SEMA3A: variants seen among roughly 807,000 people sequenced by gnomAD.
SEMA3A encodes semaphorin-3A.
In SEMA3A, 29 loss-of-function variants were observed where a neutral mutation model predicts 97.9. The ratio of observed to expected loss-of-function variants is 0.30; its 90% confidence interval spans 0.22 to 0.40. SEMA3A has a LOEUF of 0.40. SEMA3A is among the 10% of genes least tolerant of loss of function. SEMA3A has a pLI of 1.00. For missense variants in SEMA3A, 763 were observed against 951.3 expected, an observed-to-expected ratio of 0.80 and a Z score of 2.60; for synonymous variants, 321 against 323.7, an observed-to-expected ratio of 0.99 and a Z score of 0.09.
At chr7:84,116,183 A>C (rs1795424877) in intron 3 of SEMA3A, among the ~76,000 whole-genome samples, 1 of 152,150 alleles carries the variant, frequency 6.6e-6, no homozygotes, top group Admixed American at 6.5e-5. Flanking sequence ...AAAGTACTGA[A>C]GTCTGTTTTA....
At chr7:84,052,987 G>A (rs933059982) in intron 5 of SEMA3A, among the ~76,000 whole-genome samples, 7 of 150,614 alleles carry the variant, frequency 4.6e-5, no homozygotes, top group Non-Finnish European at 8.9e-5. Flanking sequence ...AGTCATTCAG[G>A]AGCAGGTTGT....
intron 6 of SEMA3A, among the ~76,000 whole-genome samples, chr7:84,024,831 T>C (rs1235421304): frequency 1.3e-5 from 2 of 152,150 alleles, no homozygotes; most frequent in Non-Finnish European, 2.9e-5. Flanking sequence ...CTCATGCCTG[T>C]AATCCCAGAA....
At chr7:84,034,746 T>C (rs1274586793) in intron 6 of SEMA3A, among the ~76,000 whole-genome samples, 5 of 151,992 alleles carry the variant, frequency 3.3e-5, no homozygotes, top group African/African-American at 1.2e-4. Flanking sequence ...TTGGTCTTTG[T>C]TCAGTGCAGG....
At chr7:84,326,846 A>T (rs2115932744) in intron 2 of SEMA3A, among the ~76,000 whole-genome samples, 1 of 152,150 alleles carries the variant, frequency 6.6e-6, no homozygotes, top group Middle Eastern at 3.4e-3. Flanking sequence ...ACTTAAATGT[A>T]AAATGCAAGA....
chr7:84,457,009 TAAGCA>T (rs1805703126), intron 1 of SEMA3A, among the ~76,000 whole-genome samples: 1 of 151,596 alleles, frequency 6.6e-6, no homozygotes, highest in Non-Finnish European at 1.5e-5. Context: ...CTGCTTTGGG[TAAGCA>T]AAGCAGTATA....
At chr7:84,192,883 T>C (rs770590066) in intron 1 of SEMA3A, among the ~76,000 whole-genome samples, 4 of 151,980 alleles carry the variant, frequency 2.6e-5, no homozygotes, top group Non-Finnish European at 5.9e-5. Flanking sequence ...GTAAAACTTA[T>C]AGGGAACATA....
intron 4 of SEMA3A, among the ~76,000 whole-genome samples, chr7:84,062,826 C>T (rs529252205): frequency 7.5e-4 from 113 of 150,580 alleles, no homozygotes; most frequent in Admixed American, 2.2e-3. Context: ...ACTACAAGGC[C>T]GCAGCGAGGC....
intron 1 of SEMA3A, among the ~76,000 whole-genome samples, chr7:84,407,972 ACATAAG>A (rs1255060524): frequency 6.6e-6 from 1 of 152,198 alleles, no homozygotes; most frequent in Admixed American, 6.5e-5. Flanking sequence ...ACCATTCAGG[ACATAAG>A]CATGGGCAAG....
chr7:84,244,087 G>A (rs1799425937), intron 3 of SEMA3A, among the ~76,000 whole-genome samples: 1 of 152,204 alleles, frequency 6.6e-6, no homozygotes, highest in Non-Finnish European at 1.5e-5. Context: ...TTGGGGTGGA[G>A]AGTCCTGTAG....
intron 12 of SEMA3A, among the ~76,000 whole-genome samples, chr7:83,992,598 G>A (rs898305367): frequency 6.6e-6 from 1 of 151,942 alleles, no homozygotes; most frequent in Non-Finnish European, 1.5e-5. Flanking sequence ...CTCAGGAGCA[G>A]GTTGTTCAGT....
intron 3 of SEMA3A, among the ~76,000 whole-genome samples, chr7:84,297,472 G>T (rs1800900626): frequency 6.6e-6 from 1 of 152,014 alleles, no homozygotes; most frequent in South Asian, 2.1e-4. Flanking sequence ...CACATATTTA[G>T]AATAAAATGA....
At chr7:84,425,421 A>C (rs1460712360) in intron 1 of SEMA3A, among the ~76,000 whole-genome samples, 1 of 133,080 alleles carries the variant, frequency 7.5e-6, no homozygotes, top group Non-Finnish European at 1.5e-5. Context: ...GCCTATATTT[A>C]TATGAATATA....
chr7:84,456,621 G>A (rs1038119749), intron 1 of SEMA3A, among the ~76,000 whole-genome samples: 3 of 151,556 alleles, frequency 2.0e-5, no homozygotes, highest in African/African-American at 7.3e-5. Context: ...CTGCATACCT[G>A]GATTTAGGTA....
intron 1 of SEMA3A, among the ~76,000 whole-genome samples, chr7:84,446,325 T>C (rs535185457): frequency 2.2e-4 from 34 of 152,314 alleles, no homozygotes; most frequent in Non-Finnish European, 4.1e-4. Context: ...TAACATTCTA[T>C]GAGGCCAGTG....
intron 3 of SEMA3A, among the ~76,000 whole-genome samples, chr7:84,124,019 C>G (rs3801655): frequency 0.8 from 122,161 of 151,988 alleles, 49,142 homozygotes; most frequent in East Asian, 0.93. Context: ...AATGCGGAGA[C>G]GTTTCACTTT....
At chr7:83,971,776 C>T (rs997934528) in intron 15 of SEMA3A, among the ~76,000 whole-genome samples, 1 of 152,030 alleles carries the variant, frequency 6.6e-6, no homozygotes, top group African/African-American at 2.4e-5. Flanking sequence ...TACAATGAAA[C>T]CTTAAATAAA....
intron 6 of SEMA3A, among the ~76,000 whole-genome samples, chr7:84,020,327 A>G (rs1480760735): frequency 6.6e-6 from 1 of 151,756 alleles, no homozygotes; most frequent in Admixed American, 6.6e-5. Context: ...TACAGGTGTG[A>G]GCCACTATGC....
chr7:84,148,338 T>A (rs749439422), intron 1 of SEMA3A, among the ~76,000 whole-genome samples: 1 of 152,184 alleles, frequency 6.6e-6, no homozygotes, highest in Non-Finnish European at 1.5e-5. Context: ...TTATAAAGGC[T>A]TCCCCATAAA....
intron 4 of SEMA3A, among the ~76,000 whole-genome samples, chr7:84,096,861 A>G (rs1583960897): frequency 9.9e-6 from 1 of 100,926 alleles, no homozygotes; most frequent in African/African-American, 3.6e-5. Flanking sequence ...ATTCTGTTAG[A>G]TAAATTATTA....
Sources: allele counts gnomAD v4.1 joint callset (sites outside exome capture counted in the v4.1 genomes callset), GRCh38; gene constraint gnomAD v4.1.1; transcripts MANE v1.5; gene names NCBI Gene and HGNC (gene_info 2026-07-23, HGNC 2026-07-21).